ADD1: variants seen among roughly 807,000 people sequenced by gnomAD.
ADD1 encodes the protein adducin 1, also known as alpha-adducin.
In ADD1, 24 loss-of-function variants were observed where a neutral mutation model predicts 80.5. That is an observed-to-expected ratio of 0.30 (90% CI 0.22 to 0.42). ADD1 has a LOEUF of 0.42. ADD1 is among the 10% of genes least tolerant of loss of function. The pLI is 1.00. For synonymous variants in ADD1, 373 were observed against 393.8 expected (o/e 0.95, Z 0.63); for missense variants, 948 against 1,019.0 (o/e 0.93, Z 0.95).
intron 11 of ADD1, 123 bp from the exon 12 acceptor site, chr4:2,908,392 G>T: frequency 1.3e-6 from 1 of 799,988 alleles, no homozygotes; most frequent in Non-Finnish European, 2.1e-6. Flanking sequence ...TGCCTGCGTG[G>T]GGCAGTGGGA....
chr4:2,885,665 A>G (rs369841973), intron 4 of ADD1, among the ~76,000 whole-genome samples: 159 of 150,334 alleles, frequency 1.1e-3, no homozygotes, highest in Non-Finnish European at 1.3e-3. Context: ...GCTGGAGTGC[A>G]GTGGTGCAAT....
At chr4:2,853,931 C>T (rs1051543308) in intron 1 of ADD1, among the ~76,000 whole-genome samples, 3 of 152,092 alleles carry the variant, frequency 2.0e-5, no homozygotes, top group South Asian at 2.1e-4. Flanking sequence ...GCATTGCACC[C>T]GGAGAAATGG....
At chr4:2,897,295 G>A (rs1735401330) in intron 6 of ADD1, among the ~76,000 whole-genome samples, 1 of 151,610 alleles carries the variant, frequency 6.6e-6, no homozygotes, top group Non-Finnish European at 1.5e-5. Context: ...AGGCCACTCT[G>A]GGGAATTTTA....
In ADD1 at chr4:2,851,996, G is replaced by A. The variant is rs539970730; in HGVS notation, c.-21+7972G>A. On this transcript the variant is annotated intron_variant, in intron 1 of 15. Coordinates refer to ENST00000683351, the MANE Select transcript of ADD1 (RefSeq NM_001354761.2). ...TGAGATTACAGGCATGCATCACTAC[G>A]CCCGGCTAATTTTTGTATTTTTAGT... is the stretch of plus-strand genomic sequence containing the variant. 7.2e-5 allele frequency among the ~76,000 whole-genome samples: 11 copies of A among 151,886 alleles called. No homozygotes were observed. In the South Asian group the frequency reaches 1.7e-3, roughly 23 times the overall value.
At chr4:2,901,857 C>A (rs546603953) in intron 9 of ADD1, 1 of 148,040 alleles carries the variant, frequency 6.8e-6, no homozygotes, top group Non-Finnish European at 1.5e-5. Flanking sequence ...TGTCCCCCCC[C>A]CAAAAAAAAT....
rs931271240 is a variant in ADD1 at position 2,875,969 on chromosome 4, C to T, written c.54C>T (p.Ala18=). 8.1e-6 allele frequency: 13 copies of T among 1,613,812 alleles called. No individual in the cohort carries two copies. Among genetic ancestry groups the T allele is most frequent in the Non-Finnish European group, 1.1e-5 (13 of 1,179,860 alleles). ...TGACCTCACCACCCCCGACCACAGC[C>T]CCTCACAAGGAGAGGTACTTCGACC... ...AVVTSPPPTT[A]PHKERYFDRV... is the part of the protein sequence containing the mutation. The change falls in exon 2 of 16, where the codon GCC becomes GCT. Residue 18 remains alanine, a synonymous_variant. Transcript: ENST00000683351.
At chr4:2,917,365 G>C (rs543133642) in intron 14 of ADD1, among the ~76,000 whole-genome samples, 2 of 152,146 alleles carry the variant, frequency 1.3e-5, no homozygotes, top group East Asian at 3.9e-4. Flanking sequence ...TCCTTCGTCT[G>C]CTTTTTGATG....
chr4:2,844,724 G>T (rs996424373), intron 1 of ADD1: 1 of 152,156 alleles, frequency 6.6e-6, no homozygotes, highest in African/African-American at 2.4e-5. Flanking sequence ...ACGTATTTTG[G>T]TTCGCCTGAA....
At chr4:2,888,242 C>G (rs1302361798) in intron 4 of ADD1, among the ~76,000 whole-genome samples, 1 of 151,276 alleles carries the variant, frequency 6.6e-6, no homozygotes, top group Admixed American at 6.6e-5. Flanking sequence ...ATGCCACTAG[C>G]TGATTTTAGT....
At chr4:2,915,502 G>A (rs1226707306) in intron 14 of ADD1, among the ~76,000 whole-genome samples, 1 of 152,234 alleles carries the variant, frequency 6.6e-6, no homozygotes, top group Non-Finnish European at 1.5e-5. Context: ...TTAGCCGGAT[G>A]TGGTGGCAGG....
chr4:2,904,003 CT>C (rs1298505436), intron 9 of ADD1, among the ~76,000 whole-genome samples: 1 of 152,190 alleles, frequency 6.6e-6, no homozygotes, highest in Non-Finnish European at 1.5e-5. Context: ...GGTATACTTA[CT>C]TACCTTACTT....
intron 1 of ADD1, among the ~76,000 whole-genome samples, chr4:2,874,725 T>C (rs1375726332): frequency 6.6e-6 from 1 of 152,194 alleles, no homozygotes; most frequent in African/African-American, 2.4e-5. Flanking sequence ...TTTCTTCAAC[T>C]GATTCTTTGG....
At chr4:2,913,200 TA>T in intron 13 of ADD1, among the ~76,000 whole-genome samples, 1 of 152,358 alleles carries the variant, frequency 6.6e-6, no homozygotes, top group Middle Eastern at 3.4e-3. Flanking sequence ...CCACTTGATT[TA>T]AATGAACTTA....
intron 2 of ADD1, 104 bp downstream of exon 2, chr4:2,876,214 A>C (rs755816862): frequency 2.6e-6 from 3 of 1,144,732 alleles, no homozygotes; most frequent in Non-Finnish European, 3.7e-6. Flanking sequence ...TGATCTTATC[A>C]CAGGAAATCA....
rs1560275590 is a variant in ADD1 at position 2,929,543 on chromosome 4, G to A, written c.*1020G>A. On this transcript the variant is annotated 3_prime_UTR_variant, in exon 16 of 16. Coordinates refer to ENST00000683351, the MANE Select transcript of ADD1 (RefSeq NM_001354761.2). ...GTTGTTACTTCCCTCCAAGAGGCTG[G>A]AAAAGGGCTCAGAGCTGCTGAGCAG... The A allele has an allele frequency of 1.3e-5, 2 of 152,302 alleles. No homozygotes were observed. The highest frequency in any genetic ancestry group is 2.9e-5 in the Non-Finnish European group (2 of 68,094). 9.4% of individuals were successfully genotyped at this position (152,302 alleles called of 1,614,324 possible). A position where few individuals can be genotyped will look rare whatever the true frequency, so the allele number is the denominator to read the frequency against.
At chr4:2,861,384 C>T (rs1226189543) in intron 1 of ADD1, among the ~76,000 whole-genome samples, 10 of 151,958 alleles carry the variant, frequency 6.6e-5, no homozygotes, top group Middle Eastern at 3.4e-3. Context: ...AAGTAGGGTG[C>T]GACATTTAAA....
chr4:2,850,653 C>T (rs1479972456), intron 1 of ADD1, among the ~76,000 whole-genome samples: 1 of 152,216 alleles, frequency 6.6e-6, no homozygotes, highest in Non-Finnish European at 1.5e-5. Context: ...TCTCAATCTC[C>T]TGACCTCATG....
At chr4:2,919,229 T>C (rs984725732) in intron 14 of ADD1, among the ~76,000 whole-genome samples, 1 of 152,224 alleles carries the variant, frequency 6.6e-6, no homozygotes, top group African/African-American at 2.4e-5. Flanking sequence ...CTGGATTCGG[T>C]TTGCCAGTAT....
intron 10 of ADD1, among the ~76,000 whole-genome samples, chr4:2,906,101 T>G (rs1252782060): frequency 1.3e-5 from 2 of 152,228 alleles, no homozygotes; most frequent in African/African-American, 4.8e-5. Context: ...TCTTTTCCCC[T>G]TGTAACAGTG....
Sources: allele counts gnomAD v4.1 joint callset (sites outside exome capture counted in the v4.1 genomes callset), GRCh38; gene constraint gnomAD v4.1.1; transcripts MANE v1.5; gene names NCBI Gene and HGNC (gene_info 2026-07-23, HGNC 2026-07-21).